The following VWA3A variants were observed in gnomAD, a reference collection of about 807,000 sequenced individuals.
The protein encoded by VWA3A is von Willebrand factor A domain-containing protein 3A.
VWA3A carries 134 observed loss-of-function variants against 160.4 expected under a neutral mutation model. The ratio of observed to expected loss-of-function variants is 0.84; its 90% CI spans 0.73 to 0.96. The LOEUF (loss-of-function observed/expected upper bound fraction) is 0.96, where lower values mean the gene tolerates loss of function less well. Among genes scored for constraint, VWA3A ranks in the 40% least tolerant of loss-of-function variants. The probability of loss-of-function intolerance (pLI) is 0.00; values close to 1 mark genes in which losing one functional copy is unlikely to be tolerated. For missense variants in VWA3A, 1,310 were observed against 1,447.9 expected (o/e 0.90, Z 1.55); for synonymous variants, 476 against 543.4 (o/e 0.88, Z 1.72).
intron 5 of VWA3A, 96 bp downstream of exon 5, chr16:22,100,589 C>A: frequency 1.6e-6 from 2 of 1,222,922 alleles, no homozygotes; most frequent in South Asian, 1.3e-5. Context: ...AATCCCAGTA[C>A]TTTGGGAGGC....
Position 22,131,231 on chromosome 16 carries a change from G to A in VWA3A, c.1679G>A (p.Arg560Lys), listed in dbSNP as rs760507344. The A allele has an allele frequency of 1.2e-5, 19 of 1,614,006 alleles. No homozygotes were observed. Among genetic ancestry groups the A allele is most frequent in the Admixed American group, 3.3e-5 (2 of 60,008 alleles). ...IAFGSTIESWRPEMVPVSHNN... is the reference protein window; with the variant it reads ...IAFGSTIESWKPEMVPVSHNN... ...TTTGGAAGCACAATTGAAAGCTGGA[G>A]GCCTGAGATGGTTCCCGTGAGTCAC... Residue 560 changes from arginine (R) to lysine (K), a missense_variant, in exon 18 of 34, where the codon AGG (arginine) becomes AAG (lysine). Arg to Lys is a conservative substitution (Grantham distance 26, BLOSUM62 2). Coordinates refer to ENST00000389398, the MANE Select transcript of VWA3A (RefSeq NM_173615.5).
In VWA3A at chr16:22,115,304, C is replaced by T. The variant is rs374911774; in HGVS notation, c.690-43C>T. On this transcript the variant is annotated intron_variant, in intron 8 of 33. Coordinates refer to ENST00000389398, the MANE Select transcript of VWA3A (RefSeq NM_173615.5). The stretch of plus-strand genomic sequence containing the variant: ...AAAGAAATTAAAATGAAATTCAATA[C>T]AAACAGTCTTATAATTAGGTTGCTG... 1,499 of 1,529,726 alleles carry T rather than the reference C, an allele frequency of 9.8e-4. 1 individual carries two copies. Among genetic ancestry groups the T allele is most frequent in the Non-Finnish European group, 8.0e-4 (911 of 1,140,006 alleles). The allele number at this position is 1,529,726 out of a possible 1,614,324, so 94.8% of individuals were successfully genotyped here. A position where few individuals can be genotyped will look rare whatever the true frequency, so the allele number is the denominator to read the frequency against.
intron 5 of VWA3A, among the ~76,000 whole-genome samples, chr16:22,102,755 A>G (rs1384761329): frequency 6.6e-6 from 1 of 152,218 alleles, no homozygotes; most frequent in African/African-American, 2.4e-5. Context: ...CTGAGAAGAC[A>G]CAGATTTGAG....
chr16:22,152,674 G>A (rs370584396), intron 31 of VWA3A, 40 bp downstream of exon 31: 40 of 1,572,446 alleles, frequency 2.5e-5, no homozygotes, highest in South Asian at 3.5e-5. Flanking sequence ...CTGTTGAAAC[G>A]GCTCGATAAA....
chr16:22,115,492 C>T lies in VWA3A; in HGVS notation c.815+20C>T, dbSNP rs749627547. The stretch of plus-strand genomic sequence containing the variant: ...AAGCTGGTAGGTCTTCTTTCCTAAG[C>T]AGGTGACATACTACATGAAAAGGAC... On this transcript the variant is annotated intron_variant, in intron 9 of 33. Coordinates refer to ENST00000389398, the MANE Select transcript of VWA3A (RefSeq NM_173615.5). 131 of 1,592,572 alleles carry T rather than the reference C, an allele frequency of 8.2e-5. No homozygotes were observed. Among genetic ancestry groups the T allele is most frequent in the Non-Finnish European group, 1.0e-4 (120 of 1,172,472 alleles).
rs114706441 is a variant in VWA3A, at chr16:22,093,813, G to A, written c.14+1162G>A. Among the ~76,000 whole-genome samples the A allele has an allele frequency of 7.9e-3, 1,210 of 152,216 alleles. 9 individuals carry two copies. Among genetic ancestry groups the A allele is most frequent in the Middle Eastern group, 0.048 (14 of 294 alleles). ...AGAGTCTCACTCCAACACCCAGGCT[G>A]GAGTGCAGCGATGCGATCACAGCTC... On this transcript the variant is annotated intron_variant, in intron 1 of 33. Coordinates refer to ENST00000389398, the MANE Select transcript of VWA3A (RefSeq NM_173615.5).
chr16:22,139,228 C>T (rs1439640479), intron 22 of VWA3A, among the ~76,000 whole-genome samples: 5 of 152,170 alleles, frequency 3.3e-5, no homozygotes, highest in African/African-American at 9.7e-5. Flanking sequence ...GGAACTCTGC[C>T]AGGTTTCAGG....
chr16:22,155,907 G>A lies in VWA3A; in HGVS notation c.*5G>A, dbSNP rs1415637655. ...CCAAAGGTCACTCTTTCCTAGAGAAGTGTTCTCAGGTAAGGGGAGGGGCTA... is the reference window on the plus strand; with the variant it reads ...CCAAAGGTCACTCTTTCCTAGAGAAATGTTCTCAGGTAAGGGGAGGGGCTA... On this transcript the variant is annotated 3_prime_UTR_variant, in exon 33 of 34. Coordinates refer to ENST00000389398, the MANE Select transcript of VWA3A (RefSeq NM_173615.5). 1.9e-6 allele frequency: 3 copies of A among 1,613,870 alleles called. No individual in the cohort carries two copies. The highest frequency in any genetic ancestry group is 2.5e-6 in the Non-Finnish European group (3 of 1,179,910).
At chr16:22,152,700 G>A in intron 31 of VWA3A, 66 bp downstream of exon 31, 1 of 1,543,912 alleles carries the variant, frequency 6.5e-7, no homozygotes, top group African/African-American at 1.4e-5. Flanking sequence ...AACAGGCATG[G>A]GGTTTTCCTT....
At chr16:22,134,489 C>T in intron 21 of VWA3A, 51 bp downstream of exon 21, 3 of 1,467,244 alleles carry the variant, frequency 2.0e-6, no homozygotes, top group Non-Finnish European at 2.8e-6. Flanking sequence ...TATTCATTTC[C>T]TGGGGCTACC....
intron 5 of VWA3A, 68 bp downstream of exon 5, chr16:22,100,561 A>G (rs985449976): frequency 1.2e-5 from 17 of 1,448,724 alleles, no homozygotes; most frequent in Admixed American, 2.0e-5. Flanking sequence ...CAGTCCGGGC[A>G]TGGTGGCTTA....
chr16:22,145,238 G>T (rs917807359), intron 26 of VWA3A, among the ~76,000 whole-genome samples: 1 of 152,134 alleles, frequency 6.6e-6, no homozygotes, highest in East Asian at 1.9e-4. Context: ...TTCACTAGAG[G>T]AATATAGGGT....
intron 31 of VWA3A, 32 bp downstream of exon 31, chr16:22,152,666 G>T: frequency 1.3e-6 from 2 of 1,582,234 alleles, no homozygotes; most frequent in South Asian, 2.3e-5. Flanking sequence ...CATGAGGTCT[G>T]TTGAAACGGC....
chr16:22,102,500 AC>A lies in VWA3A; in HGVS notation c.429-973del, dbSNP rs559520669. On this transcript the variant is annotated intron_variant, in intron 5 of 33. Transcript: ENST00000389398. Reference sequence around the variant, plus strand: ...GTCCCTCTCTAGGCCCCCAAATCTCACCTGCCCCCAGTAAGAACAAGTCAAT... The same window carrying A: ...GTCCCTCTCTAGGCCCCCAAATCTCACTGCCCCCAGTAAGAACAAGTCAAT... Among the ~76,000 whole-genome samples, 286 of 151,904 alleles carry A rather than the reference AC, an allele frequency of 1.9e-3. 1 individual carries two copies. Among genetic ancestry groups the A allele is most frequent in the African/African-American group, 6.7e-3 (277 of 41,408 alleles).
chr16:22,094,748 C>G (rs1036735764), intron 1 of VWA3A, among the ~76,000 whole-genome samples: 3 of 151,972 alleles, frequency 2.0e-5, no homozygotes, highest in Non-Finnish European at 4.4e-5. Flanking sequence ...AGTGGATCAC[C>G]TGAGGTCAAG....
intron 14 of VWA3A, 68 bp from the exon 15 acceptor site, chr16:22,123,017 C>T: frequency 7.3e-7 from 1 of 1,365,124 alleles, no homozygotes; most frequent in South Asian, 1.3e-5. Context: ...TTTGGAGAAC[C>T]AGTGCCCAAA....
intron 6 of VWA3A, among the ~76,000 whole-genome samples, chr16:22,106,989 A>G (rs1386303837): frequency 6.6e-6 from 1 of 152,200 alleles, no homozygotes; most frequent in African/African-American, 2.4e-5. Flanking sequence ...TCTTGAAGAA[A>G]ACTGAGAGGT....
chr16:22,117,311 T>G (rs2045665788), intron 11 of VWA3A, 135 bp downstream of exon 11: 1 of 954,778 alleles, frequency 1.0e-6, no homozygotes, highest in Non-Finnish European at 1.6e-6. Context: ...CTGTATTCAA[T>G]GAGGTTACAC....
At chr16:22,147,056 TTCTC>T (rs2046266034) in intron 27 of VWA3A, among the ~76,000 whole-genome samples, 1 of 152,154 alleles carries the variant, frequency 6.6e-6, no homozygotes, top group African/African-American at 2.4e-5. Flanking sequence ...AACAGGGTCT[TTCTC>T]TGTCACCTAG....
Sources: allele counts gnomAD v4.1 joint callset (sites outside exome capture counted in the v4.1 genomes callset), GRCh38; gene constraint gnomAD v4.1.1; transcripts MANE v1.5; gene names NCBI Gene and HGNC (gene_info 2026-07-23, HGNC 2026-07-21).